CNTN5: variants seen among roughly 807,000 people sequenced by gnomAD.
CNTN5 encodes the protein contactin 5.
A neutral mutation model predicts 129.1 loss-of-function variants in CNTN5; 77 were observed. The observed-to-expected ratio is 0.60, with a 90% confidence interval of 0.50 to 0.72. The LOEUF (loss-of-function observed/expected upper bound fraction) is 0.72. Ranked by LOEUF, CNTN5 falls within the 30% of genes least tolerant of loss-of-function variation. CNTN5 has a pLI of 0.00. For synonymous variants in CNTN5, 509 were observed against 465.6 expected (o/e 1.09, Z -1.20); for missense variants, 1,478 against 1,328.8 (o/e 1.11, Z -1.75).
intron 2 of CNTN5, among the ~76,000 whole-genome samples, chr11:99,366,788 A>G (rs1939470997): frequency 6.6e-6 from 1 of 152,134 alleles, no homozygotes. Flanking sequence ...TTTTGTGTCA[A>G]AATATCTCGC....
At chr11:100,210,271 G>A (rs1482421935) in intron 15 of CNTN5, among the ~76,000 whole-genome samples, 1 of 147,580 alleles carries the variant, frequency 6.8e-6, no homozygotes, top group Non-Finnish European at 1.5e-5. Context: ...GATCGCTTGA[G>A]CCCAGGAGGC....
chr11:100,002,364 A>C (rs1338303083), intron 9 of CNTN5, among the ~76,000 whole-genome samples: 4 of 152,290 alleles, frequency 2.6e-5, no homozygotes. Flanking sequence ...TAACATAAAA[A>C]AACTTCTTTA....
rs191007933 is a variant in CNTN5, at chr11:99,490,740, G to T, written c.-70-65405G>T. Among the ~76,000 whole-genome samples, 401 of 152,246 alleles carry T rather than the reference G, an allele frequency of 2.6e-3. 3 individuals carry two copies. The highest frequency in any genetic ancestry group is 8.7e-3 in the African/African-American group (363 of 41,544). ...TACTGCTTCTCAGTTTATATGGGATGGCCACCATGTGGTGAGTGAAGTGGA... is the reference window on the plus strand; with the variant it reads ...TACTGCTTCTCAGTTTATATGGGATTGCCACCATGTGGTGAGTGAAGTGGA... On this transcript the variant is annotated intron_variant, in intron 2 of 24. Transcript: ENST00000524871.
At chr11:100,110,929 G>C (rs1945637155) in intron 13 of CNTN5, among the ~76,000 whole-genome samples, 1 of 151,726 alleles carries the variant, frequency 6.6e-6, no homozygotes, top group Admixed American at 6.6e-5. Context: ...TGATAGTGCA[G>C]TCCATTGAGT....
chr11:99,904,670 C>T (rs868469213), intron 6 of CNTN5, among the ~76,000 whole-genome samples: 5 of 152,244 alleles, frequency 3.3e-5, no homozygotes, highest in Middle Eastern at 6.8e-3. Context: ...AATGCGATTG[C>T]TGGGTCAAAT....
intron 18 of CNTN5, among the ~76,000 whole-genome samples, chr11:100,276,354 A>G (rs947123379): frequency 1.1e-4 from 17 of 152,210 alleles, no homozygotes; most frequent in Admixed American, 1.1e-3. Flanking sequence ...AGCCTGGCCA[A>G]CATGGCAAAA....
chr11:99,417,537 G>A (rs1257000363), intron 2 of CNTN5, among the ~76,000 whole-genome samples: 1 of 152,008 alleles, frequency 6.6e-6, no homozygotes, highest in Non-Finnish European at 1.5e-5. Context: ...TTGTAAATGT[G>A]TCTTAATAGA....
chr11:100,293,848 C>G (rs184089613), intron 18 of CNTN5, among the ~76,000 whole-genome samples: 2 of 151,670 alleles, frequency 1.3e-5, no homozygotes, highest in East Asian at 3.9e-4. Context: ...TTTTTCTGGG[C>G]GGGTTGGGGG....
intron 1 of CNTN5, among the ~76,000 whole-genome samples, chr11:99,202,351 T>G (rs1859251506): frequency 1.3e-5 from 2 of 152,192 alleles, no homozygotes; most frequent in Admixed American, 1.3e-4. Context: ...CATAAAAATA[T>G]CAAAGTCCTT....
At chr11:99,924,377 T>C (rs1243501704) in intron 7 of CNTN5, among the ~76,000 whole-genome samples, 1 of 152,154 alleles carries the variant, frequency 6.6e-6, no homozygotes, top group East Asian at 1.9e-4. Flanking sequence ...TAGTTTGAGG[T>C]CTTATATTTA....
chr11:100,094,193 G>T (rs931029214), intron 13 of CNTN5, among the ~76,000 whole-genome samples: 2 of 152,046 alleles, frequency 1.3e-5, no homozygotes, highest in Non-Finnish European at 2.9e-5. Context: ...TGGTAGATGC[G>T]GAAATCTTAT....
intron 1 of CNTN5, among the ~76,000 whole-genome samples, chr11:99,037,583 T>C (rs1174674025): frequency 2.4e-4 from 34 of 142,340 alleles, no homozygotes; most frequent in South Asian, 6.6e-4. Flanking sequence ...TTTCTTTTTT[T>C]TTTTTTTTTT....
At chr11:99,384,799 G>A (rs946095250) in intron 2 of CNTN5, among the ~76,000 whole-genome samples, 2 of 152,116 alleles carry the variant, frequency 1.3e-5, no homozygotes, top group Non-Finnish European at 2.9e-5. Context: ...GGAATACAAT[G>A]TGATGTTTTG....
At chr11:100,320,164 C>T (rs925773914) in intron 21 of CNTN5, among the ~76,000 whole-genome samples, 1 of 152,164 alleles carries the variant, frequency 6.6e-6, no homozygotes, top group African/African-American at 2.4e-5. Flanking sequence ...TACCAATTTA[C>T]ATTCCTATCA....
At chr11:99,759,911 CAG>C (rs1156408811) in intron 3 of CNTN5, among the ~76,000 whole-genome samples, 3 of 152,084 alleles carry the variant, frequency 2.0e-5, no homozygotes, top group Non-Finnish European at 2.9e-5. Flanking sequence ...ATGTAACTGA[CAG>C]AGAAACTGTG....
chr11:99,593,579 T>C (rs2135674978), intron 3 of CNTN5, among the ~76,000 whole-genome samples: 1 of 152,352 alleles, frequency 6.6e-6, no homozygotes, highest in Non-Finnish European at 1.5e-5. Flanking sequence ...TGTGTTTCTA[T>C]GGTTGCAGGA....
rs1233091071 is a variant in CNTN5 at position 99,537,065 on chromosome 11, T to C, written c.-70-19080T>C. ...ACATTTTAAATACTCAATAGCCATA[T>C]GTGGTTAGAAGCTACCACAGCTCAG... On this transcript the variant is annotated intron_variant, in intron 2 of 24. Coordinates refer to ENST00000524871, the MANE Select transcript of CNTN5 (RefSeq NM_014361.4). 2.0e-5 allele frequency among the ~76,000 whole-genome samples: 3 copies of C among 152,162 alleles called. No homozygotes were observed. The South Asian group carries it at 6.2e-4, about 31-fold the overall frequency.
chr11:99,417,659 T>C (rs1374694828), intron 2 of CNTN5, among the ~76,000 whole-genome samples: 1 of 152,108 alleles, frequency 6.6e-6, no homozygotes, highest in Admixed American at 6.6e-5. Context: ...ATCTAATGCT[T>C]ATTCAATTGT....
chr11:99,285,534 C>A (rs1863894235), intron 1 of CNTN5, among the ~76,000 whole-genome samples: 1 of 148,714 alleles, frequency 6.7e-6, no homozygotes. Context: ...AGTCCTTGCT[C>A]ATTAAACAAG....
Sources: gnomAD v4.1 joint callset for allele counts (sites outside exome capture counted in the v4.1 genomes callset) on GRCh38, gnomAD v4.1.1 for gene constraint, MANE v1.5 for transcripts, NCBI Gene and HGNC (gene_info 2026-07-23, HGNC 2026-07-21) for gene names.